OR3A2: variants seen among roughly 807,000 people sequenced by gnomAD.
OR3A2 encodes the protein olfactory receptor family 3 subfamily A member 2, also known as olfactory receptor 3A2.
For missense variants in OR3A2, 318 were observed against 392.8 expected, an observed-to-expected ratio of 0.81 and a Z score of 1.61; for synonymous variants, 126 against 159.3, an observed-to-expected ratio of 0.79 and a Z score of 1.57.
exon 2 of OR3A2, chr17:3,277,776 T>A (rs2048748380): frequency 1.6e-6 from 1 of 613,798 alleles, no homozygotes; most frequent in Non-Finnish European, 2.8e-6. Flanking sequence ...GTCCAGATCA[T>A]AGAGGTACTC....
At chr17:3,367,606 T>TA (rs1555530082) in intron 2 of OR3A2, among the ~76,000 whole-genome samples, 1 of 142,286 alleles carries the variant, frequency 7.0e-6, no homozygotes, top group African/African-American at 2.9e-5. Context: ...TGTGTGTATA[T>TA]ATATATATAT....
At chr17:3,322,231 C>T (rs779927228) in intron 3 of OR3A2, among the ~76,000 whole-genome samples, 3 of 151,880 alleles carry the variant, frequency 2.0e-5, no homozygotes, top group Non-Finnish European at 2.9e-5. Flanking sequence ...TCCCCTTTTT[C>T]ATTTTTATTC....
intron 2 of OR3A2, among the ~76,000 whole-genome samples, chr17:3,372,426 G>A (rs930702474): frequency 3.0e-4 from 45 of 152,042 alleles, no homozygotes; most frequent in Non-Finnish European, 5.9e-4. Flanking sequence ...CGGGGTGGCG[G>A]CTGGGCAGAG....
rs368666523 is a variant in OR3A2, at chr17:3,345,118, A to C, written c.-178-8992T>G. On this transcript the variant is annotated intron_variant, in intron 2 of 4. Transcript: ENST00000573491. ...GTGGAGAGGTGGATCTGATGAAGAA[A>C]GGAAGGAAGGTACCACGATGCTGAT... Among the ~76,000 whole-genome samples the C allele has an allele frequency of 2.6e-4, 39 of 152,336 alleles. No homozygotes were observed. In the South Asian group the frequency reaches 8.1e-3, roughly 32 times the overall value.
intron 1 of OR3A2, chr17:3,383,994 CAATATTTATTG>C (rs2049759619): frequency 1.6e-4 from 3 of 19,110 alleles, no homozygotes; most frequent in African/African-American, 1.0e-3. Context: ...ATATTGTATA[CAATATTTATTG>C]AATAAATATT....
At chr17:3,328,431 T>C (rs985943262) in intron 3 of OR3A2, among the ~76,000 whole-genome samples, 5 of 108,540 alleles carry the variant, frequency 4.6e-5, no homozygotes, top group Non-Finnish European at 8.8e-5. Context: ...TTGCTGAAGT[T>C]GCTTATCAGC....
At chr17:3,280,684 A>G (rs1232777016) in intron 1 of OR3A2, among the ~76,000 whole-genome samples, 2 of 152,170 alleles carry the variant, frequency 1.3e-5, no homozygotes, top group Non-Finnish European at 2.9e-5. Context: ...CCTTGCATAG[A>G]ATAGACTGGA....
intron 2 of OR3A2, among the ~76,000 whole-genome samples, chr17:3,340,694 A>T (rs2049309389): frequency 6.6e-6 from 1 of 152,108 alleles, no homozygotes; most frequent in Non-Finnish European, 1.5e-5. Flanking sequence ...CTATGTGGTC[A>T]ATTTTGGAAT....
chr17:3,354,430 G>A (rs542938547), intron 2 of OR3A2, among the ~76,000 whole-genome samples: 1 of 151,276 alleles, frequency 6.6e-6, no homozygotes, highest in South Asian at 2.1e-4. Context: ...TTATTTATAG[G>A]AGACCTTTTA....
chr17:3,303,582 A>G (rs1458148825), intron 3 of OR3A2, among the ~76,000 whole-genome samples: 1 of 151,838 alleles, frequency 6.6e-6, no homozygotes, highest in Non-Finnish European at 1.5e-5. Context: ...TCTACTAAAA[A>G]AAAAATACAA....
At chr17:3,368,466 T>C (rs1378030193) in intron 2 of OR3A2, among the ~76,000 whole-genome samples, 2 of 152,216 alleles carry the variant, frequency 1.3e-5, no homozygotes, top group Non-Finnish European at 2.9e-5. Context: ...TTGCCAATTA[T>C]GCCAGCACCA....
At position 3,321,611 on chromosome 17, in the gene OR3A2, G is replaced by C. The variant is rs1468946621; in HGVS notation, c.-85+14422C>G. On this transcript the variant is annotated intron_variant, in intron 3 of 4. Coordinates refer to the OR3A2 transcript ENST00000573491. ...TGAAGCGTTGTTGAATTTTGTCAAA[G>C]GCCTTTTCTGCATCTATTGAGATAA... Among the ~76,000 whole-genome samples the C allele has an allele frequency of 4.6e-5, 7 of 151,874 alleles. No individual in the cohort carries two copies. In the East Asian group the frequency reaches 1.4e-3, roughly 29 times the overall value.
At chr17:3,299,499 C>T (rs1269896356) in intron 3 of OR3A2, among the ~76,000 whole-genome samples, 1 of 152,176 alleles carries the variant, frequency 6.6e-6, no homozygotes, top group Non-Finnish European at 1.5e-5. Context: ...GACGTCTCTT[C>T]CCACTGTAAT....
At chr17:3,335,763 A>G (rs886592754) in intron 3 of OR3A2, among the ~76,000 whole-genome samples, 6 of 152,190 alleles carry the variant, frequency 3.9e-5, no homozygotes, top group Non-Finnish European at 7.4e-5. Context: ...CCAGGAAGAA[A>G]AAGTCTGACA....
At chr17:3,350,073 G>C (rs1243852891) in intron 2 of OR3A2, among the ~76,000 whole-genome samples, 8 of 148,900 alleles carry the variant, frequency 5.4e-5, no homozygotes, top group African/African-American at 7.4e-5. Context: ...GCCCACAAGA[G>C]AAAGCAGGAA....
chr17:3,362,925 T>C (rs1379311598), intron 2 of OR3A2, among the ~76,000 whole-genome samples: 1 of 151,932 alleles, frequency 6.6e-6, no homozygotes, highest in Non-Finnish European at 1.5e-5. Context: ...TGGCCTGAGC[T>C]GTACCTTGGC....
chr17:3,385,692 G>GTGT (rs2049771503), intron 1 of OR3A2, among the ~76,000 whole-genome samples: 1 of 152,162 alleles, frequency 6.6e-6, no homozygotes, highest in Non-Finnish European at 1.5e-5. Context: ...ACCAAAGTCT[G>GTGT]AGAGTTACCC....
intron 2 of OR3A2, among the ~76,000 whole-genome samples, chr17:3,367,228 T>C (rs775574134): frequency 1.1e-4 from 16 of 152,170 alleles, no homozygotes; most frequent in Non-Finnish European, 2.2e-4. Flanking sequence ...TTTATTTCAA[T>C]AGATTTTGGG....
chr17:3,323,630 T>A (rs138557305), intron 3 of OR3A2, among the ~76,000 whole-genome samples: 1 of 151,940 alleles, frequency 6.6e-6, no homozygotes, highest in African/African-American at 2.4e-5. Flanking sequence ...TTAGTTTGGC[T>A]GGATATGAAA....
Sources: allele counts gnomAD v4.1 joint callset (sites outside exome capture counted in the v4.1 genomes callset), GRCh38; gene constraint gnomAD v4.1.1; transcripts MANE v1.5; gene names NCBI Gene and HGNC (gene_info 2026-07-23, HGNC 2026-07-21).